IGSF11: variants seen among roughly 807,000 people sequenced by gnomAD.
IGSF11 encodes CXADR like 1.
IGSF11 carries 22 observed loss-of-function variants against 41.0 expected under a neutral mutation model. The ratio of observed to expected loss-of-function variants is 0.54; its 90% CI spans 0.38 to 0.77. The LOEUF (loss-of-function observed/expected upper bound fraction) is 0.77. IGSF11 is among the 30% of genes least tolerant of loss of function. IGSF11 has a pLI of 0.00. For synonymous variants in IGSF11, 219 were observed against 201.3 expected (o/e 1.09, Z -0.74); for missense variants, 444 against 530.8 (o/e 0.84, Z 1.61).
rs980628797 is a variant in IGSF11 at position 119,005,779 on chromosome 3, T to C, written c.52+28752A>G. Among the ~76,000 whole-genome samples, 18 of 110,324 alleles carry C rather than the reference T, an allele frequency of 1.6e-4. 2 individuals carry two copies. Among genetic ancestry groups the C allele is most frequent in the Non-Finnish European group, 2.5e-4 (15 of 58,856 alleles). 72.4% of individuals were successfully genotyped at this position (110,324 alleles called of 152,430 possible). On this transcript the variant is annotated intron_variant, in intron 1 of 6. Transcript: ENST00000393775. ...TTGAAAATTCTTTTCTTTAAGAATG[T>C]TGAATATCGGCCCCCACTCTCTTCT...
chr3:119,019,965 T>A (rs1227067894), intron 1 of IGSF11, among the ~76,000 whole-genome samples: 1 of 151,998 alleles, frequency 6.6e-6, no homozygotes, highest in Non-Finnish European at 1.5e-5. Flanking sequence ...ACAAATGAGA[T>A]TTATGCCATT....
At chr3:119,143,272 G>T (rs2077673611) in intron 1 of IGSF11, among the ~76,000 whole-genome samples, 1 of 152,104 alleles carries the variant, frequency 6.6e-6, no homozygotes, top group Non-Finnish European at 1.5e-5. Flanking sequence ...ATAAATCTAT[G>T]TTAATAGGTA....
intron 1 of IGSF11, among the ~76,000 whole-genome samples, chr3:119,074,287 A>T (rs1264710180): frequency 1.3e-5 from 2 of 152,128 alleles, no homozygotes; most frequent in African/African-American, 2.4e-5. Flanking sequence ...CAACAAATTT[A>T]AAAAAATAGA....
intron 1 of IGSF11, among the ~76,000 whole-genome samples, chr3:119,097,980 T>TTTTTTTTTTTTTTTTTTTTTTTTTTTTTC (rs2076882168): frequency 7.2e-6 from 1 of 138,498 alleles, no homozygotes; most frequent in Non-Finnish European, 1.6e-5. Context: ...TTTTTTTTTT[T>TTTTTTTTTTTTTTTTTTTTTTTTTTTTTC]TTTTTTAGAG....
intron 1 of IGSF11, among the ~76,000 whole-genome samples, chr3:119,090,078 A>C (rs1186755382): frequency 6.6e-6 from 1 of 152,186 alleles, no homozygotes; most frequent in African/African-American, 2.4e-5. Flanking sequence ...TACAAAAATC[A>C]GTAGCATTTC....
chr3:118,961,968 G>C (rs573778477), intron 1 of IGSF11, among the ~76,000 whole-genome samples: 1 of 152,152 alleles, frequency 6.6e-6, no homozygotes, highest in Non-Finnish European at 1.5e-5. Flanking sequence ...CCCCATGAAA[G>C]TTATTTCAGA....
intron 1 of IGSF11, among the ~76,000 whole-genome samples, chr3:119,058,059 T>A (rs1017694391): frequency 2.0e-5 from 3 of 152,110 alleles, no homozygotes; most frequent in Non-Finnish European, 4.4e-5. Flanking sequence ...GGACATATGC[T>A]TGGGCAAGGA....
intron 1 of IGSF11, among the ~76,000 whole-genome samples, chr3:118,938,696 A>G (rs1221711742): frequency 6.6e-6 from 1 of 152,206 alleles, no homozygotes; most frequent in African/African-American, 2.4e-5. Flanking sequence ...AAGTGATTGT[A>G]CCAGAAATCA....
intron 1 of IGSF11, among the ~76,000 whole-genome samples, chr3:119,086,925 G>A (rs1362423018): frequency 1.3e-5 from 2 of 152,060 alleles, no homozygotes; most frequent in African/African-American, 4.8e-5. Context: ...GAACATAAAT[G>A]GGCCAAAAGC....
At chr3:119,055,875 G>C (rs144502373) in intron 1 of IGSF11, among the ~76,000 whole-genome samples, 45 of 152,152 alleles carry the variant, frequency 3.0e-4, no homozygotes, top group Middle Eastern at 3.4e-3. Context: ...ATGACTACTG[G>C]GTACATAACG....
chr3:118,998,569 G>GT (rs368282737), intron 1 of IGSF11, among the ~76,000 whole-genome samples: 217 of 150,042 alleles, frequency 1.4e-3, no homozygotes, highest in African/African-American at 5.0e-3. Flanking sequence ...CACCCACAAA[G>GT]TATTATTTGC....
At chr3:118,912,178 T>C (rs986297710) in intron 4 of IGSF11, among the ~76,000 whole-genome samples, 2 of 152,264 alleles carry the variant, frequency 1.3e-5, no homozygotes, top group African/African-American at 4.8e-5. Flanking sequence ...TTTAAAGTTC[T>C]CTGTGCATCT....
chr3:119,060,984 A>T (rs1041153252), intron 1 of IGSF11, among the ~76,000 whole-genome samples: 4 of 152,192 alleles, frequency 2.6e-5, no homozygotes, highest in Admixed American at 2.0e-4. Flanking sequence ...TGGATTTGAA[A>T]TGTTTTTAAT....
intron 1 of IGSF11, among the ~76,000 whole-genome samples, chr3:119,048,852 T>G (rs1941487814): frequency 6.6e-6 from 1 of 151,954 alleles, no homozygotes; most frequent in African/African-American, 2.4e-5. Context: ...TATATGCAAA[T>G]CAGTAAATGT....
At chr3:118,997,650 G>A (rs1936407462) in intron 1 of IGSF11, among the ~76,000 whole-genome samples, 1 of 151,170 alleles carries the variant, frequency 6.6e-6, no homozygotes, top group Admixed American at 6.6e-5. Flanking sequence ...CTAGGGTGGT[G>A]CCTAGAAGCC....
At chr3:119,014,615 T>C (rs1174858727) in intron 1 of IGSF11, among the ~76,000 whole-genome samples, 1 of 152,216 alleles carries the variant, frequency 6.6e-6, no homozygotes, top group Non-Finnish European at 1.5e-5. Context: ...ACTCATGTTA[T>C]TGGAAGGAGC....
At chr3:119,056,161 C>T (rs1429550486) in intron 1 of IGSF11, among the ~76,000 whole-genome samples, 1 of 151,996 alleles carries the variant, frequency 6.6e-6, no homozygotes, top group African/African-American at 2.4e-5. Flanking sequence ...AAAAACCCTT[C>T]AAAAAATTAA....
intron 1 of IGSF11, among the ~76,000 whole-genome samples, chr3:119,087,622 G>A (rs1371595086): frequency 2.0e-5 from 3 of 152,038 alleles, no homozygotes; most frequent in Non-Finnish European, 2.9e-5. Flanking sequence ...GGGACTTGGG[G>A]GAAAGGGTGG....
At chr3:119,093,373 T>G (rs760795805) in intron 1 of IGSF11, among the ~76,000 whole-genome samples, 1 of 151,578 alleles carries the variant, frequency 6.6e-6, no homozygotes, top group African/African-American at 2.4e-5. Flanking sequence ...AAGAAGCTGC[T>G]GGCCATTTAC....
Sources: allele counts gnomAD v4.1 joint callset (sites outside exome capture counted in the v4.1 genomes callset), GRCh38; gene constraint gnomAD v4.1.1; transcripts MANE v1.5; gene names NCBI Gene and HGNC (gene_info 2026-07-23, HGNC 2026-07-21).